The following RPH3A variants were observed in gnomAD, a reference collection of about 807,000 sequenced individuals.
RPH3A encodes the protein rabphilin-3A.
A neutral mutation model predicts 102.2 loss-of-function variants in RPH3A; 48 were observed. That is an observed-to-expected ratio of 0.47 (90% CI 0.37 to 0.60). The LOEUF is 0.60. Among genes scored for constraint, RPH3A ranks in the 20% least tolerant of loss-of-function variants. RPH3A has a pLI of 0.00. For synonymous variants in RPH3A, 310 were observed against 324.3 expected (o/e 0.96, Z 0.47); for missense variants, 781 against 910.1 (o/e 0.86, Z 1.83).
chr12:112,634,027 G>A (rs12299058), intron 1 of RPH3A, among the ~76,000 whole-genome samples: 1,984 of 152,274 alleles, frequency 0.013, 57 homozygotes, highest in African/African-American at 0.046. Flanking sequence ...GGGTGACAGT[G>A]ATGCTCATGT....
intron 4 of RPH3A, 42 bp downstream of exon 4, chr12:112,836,544 T>A: frequency 9.2e-7 from 1 of 1,082,354 alleles, no homozygotes; most frequent in Non-Finnish European, 1.3e-6. Context: ...TTTTACAAAC[T>A]GTATTTTATC....
chr12:112,829,328 T>C (rs1004842554), intron 3 of RPH3A, among the ~76,000 whole-genome samples: 4 of 151,898 alleles, frequency 2.6e-5, no homozygotes. Flanking sequence ...GGCTGAAGCG[T>C]ACTGGTGCAA....
At chr12:112,776,593 G>A (rs1043326627) in intron 1 of RPH3A, among the ~76,000 whole-genome samples, 10 of 152,140 alleles carry the variant, frequency 6.6e-5, no homozygotes, top group Admixed American at 1.3e-4. Flanking sequence ...GTGCAAAGCC[G>A]GCTGGGCACA....
chr12:112,832,714 A>C (rs2041989778), intron 3 of RPH3A, among the ~76,000 whole-genome samples: 1 of 152,172 alleles, frequency 6.6e-6, no homozygotes, highest in Non-Finnish European at 1.5e-5. Flanking sequence ...GTTGTGGTGC[A>C]TGCCTGTGTT....
intron 5 of RPH3A, among the ~76,000 whole-genome samples, chr12:112,849,409 G>GTA (rs1491089599): frequency 3.9e-5 from 2 of 51,200 alleles, no homozygotes; most frequent in Non-Finnish European, 8.5e-5. Context: ...CAGACTGGCA[G>GTA]TGTGTGTGTG....
At position 112,660,758 on chromosome 12, in the gene RPH3A, A is replaced by ATG. The variant is rs2040043601; in HGVS notation, c.-140+85439_-140+85440insTG. Among the ~76,000 whole-genome samples the ATG allele has an allele frequency of 3.3e-5, 5 of 152,348 alleles. No homozygotes were observed. In the South Asian group the frequency reaches 1.0e-3, roughly 32 times the overall value. ...ATAGATGGAAAAACTGAGGTCCAGGAAAGATTAAGCAACACGCCCACAGCT... is the reference window on the plus strand; with the variant it reads ...ATAGATGGAAAAACTGAGGTCCAGGATGAAGATTAAGCAACACGCCCACAGCT... On this transcript the variant is annotated intron_variant, in intron 1 of 21. Coordinates refer to the RPH3A transcript ENST00000543106.
intron 15 of RPH3A, among the ~76,000 whole-genome samples, chr12:112,882,129 C>T (rs1021940365): frequency 9.9e-5 from 15 of 152,172 alleles, no homozygotes; most frequent in Admixed American, 3.3e-4. Context: ...TTCATCTGCT[C>T]GAACACCTTC....
In RPH3A at chr12:112,582,280, C is replaced by G. The variant is rs369496438; in HGVS notation, c.-140+6961C>G. On this transcript the variant is annotated intron_variant, in intron 1 of 21. Transcript: ENST00000543106. ...TATTTTTTAGAGATACGTTCTCATT[C>G]TGTTACCCAGGTTGGAGTGCAGTGG... Among the ~76,000 whole-genome samples, 48 of 146,794 alleles carry G rather than the reference C, an allele frequency of 3.3e-4. 2 individuals carry two copies. In the East Asian group the frequency reaches 3.9e-3, roughly 12 times the overall value.
At chr12:112,868,400 C>T in intron 7 of RPH3A, 30 bp from the exon 8 acceptor site, 1 of 1,602,086 alleles carries the variant, frequency 6.2e-7, no homozygotes, top group Middle Eastern at 1.7e-4. Flanking sequence ...TTGGCTGCCA[C>T]ATCTTCAATC....
chr12:112,618,522 G>A (rs948290293), intron 1 of RPH3A, among the ~76,000 whole-genome samples: 1 of 152,132 alleles, frequency 6.6e-6, no homozygotes, highest in African/African-American at 2.4e-5. Context: ...TTACTGAAAT[G>A]TTTCTTCCTC....
At chr12:112,652,084 C>A (rs1373338470) in intron 1 of RPH3A, among the ~76,000 whole-genome samples, 2 of 152,084 alleles carry the variant, frequency 1.3e-5, no homozygotes, top group African/African-American at 4.8e-5. Flanking sequence ...CCATTTGAGT[C>A]TCTGCTTTCA....
chr12:112,894,069 T>C (rs2043141709), intron 19 of RPH3A: 1 of 161,168 alleles, frequency 6.2e-6, no homozygotes, highest in African/African-American at 2.4e-5. Flanking sequence ...AGGAACCCAG[T>C]ACACAGTTTT....
At chr12:112,656,040 G>T (rs1387363885) in intron 1 of RPH3A, among the ~76,000 whole-genome samples, 1 of 152,120 alleles carries the variant, frequency 6.6e-6, no homozygotes, top group Non-Finnish European at 1.5e-5. Flanking sequence ...CACTCTACGT[G>T]GCCTCTTACT....
intron 16 of RPH3A, among the ~76,000 whole-genome samples, chr12:112,884,026 G>C (rs1353449660): frequency 6.6e-6 from 1 of 151,946 alleles, no homozygotes; most frequent in Non-Finnish European, 1.5e-5. Flanking sequence ...TATATGTATG[G>C]AACTTGCCTT....
intron 19 of RPH3A, among the ~76,000 whole-genome samples, chr12:112,891,592 T>C (rs958768898): frequency 2.0e-5 from 3 of 152,176 alleles, no homozygotes; most frequent in African/African-American, 7.2e-5. Flanking sequence ...GGAGAGATGT[T>C]AGACTACAAT....
At chr12:112,827,368 C>T (rs2041895588) in intron 2 of RPH3A, among the ~76,000 whole-genome samples, 1 of 152,210 alleles carries the variant, frequency 6.6e-6, no homozygotes, top group African/African-American at 2.4e-5. Context: ...TCACCTATGT[C>T]ATAGCGTATG....
At chr12:112,580,115 T>G (rs1304882562) in intron 1 of RPH3A, among the ~76,000 whole-genome samples, 2 of 152,160 alleles carry the variant, frequency 1.3e-5, no homozygotes, top group Non-Finnish European at 2.9e-5. Context: ...TGTCTTTCTC[T>G]CTCTGTCAGT....
chr12:112,656,583 C>A (rs575215593), intron 1 of RPH3A, among the ~76,000 whole-genome samples: 1 of 152,170 alleles, frequency 6.6e-6, no homozygotes, highest in Non-Finnish European at 1.5e-5. Context: ...ACTCTTCCCC[C>A]TTTTGGAGTC....
At chr12:112,674,872 C>G (rs984791521) in intron 1 of RPH3A, among the ~76,000 whole-genome samples, 1 of 152,170 alleles carries the variant, frequency 6.6e-6, no homozygotes, top group East Asian at 1.9e-4. Flanking sequence ...AATCCACATT[C>G]TCTCTCAGGG....
Sources: gnomAD v4.1 joint callset for allele counts (sites outside exome capture counted in the v4.1 genomes callset) on GRCh38, gnomAD v4.1.1 for gene constraint, MANE v1.5 for transcripts, NCBI Gene and HGNC (gene_info 2026-07-23, HGNC 2026-07-21) for gene names.